STK24: variants seen among roughly 807,000 people sequenced by gnomAD.
STK24 encodes serine/threonine kinase 24, also known as serine/threonine-protein kinase 24.
A neutral mutation model predicts 55.6 loss-of-function variants in STK24; 21 were observed. That is an observed-to-expected ratio of 0.38 (90% CI 0.27 to 0.54). The LOEUF is 0.54. Ranked by LOEUF, STK24 falls within the 20% of genes least tolerant of loss-of-function variation. The pLI, the probability that STK24 is intolerant of heterozygous loss-of-function variation, is 0.79. For synonymous variants in STK24, 200 were observed against 215.2 expected (o/e 0.93, Z 0.62); for missense variants, 383 against 538.4 (o/e 0.71, Z 2.86).
At chr13:98,550,034 G>A (rs542645759) in intron 1 of STK24, among the ~76,000 whole-genome samples, 4 of 152,254 alleles carry the variant, frequency 2.6e-5, no homozygotes, top group African/African-American at 9.6e-5. Context: ...TCCACAGGTG[G>A]GTCGTCTGCA....
At position 98,483,745 on chromosome 13, in the gene STK24, G is replaced by A. The variant is rs182913963; in HGVS notation, c.274-1424C>T. Among the ~76,000 whole-genome samples, 15 of 152,244 alleles carry A rather than the reference G, an allele frequency of 9.9e-5. No homozygotes were observed. The East Asian group carries it at 2.7e-3, about 27-fold the overall frequency. ...GCTCAGGGACAGCGCTGGTGTGCTC[G>A]AGCTCAGTAAATGTTAACTGTGGAC... On this transcript the variant is annotated intron_variant, in intron 2 of 10. Transcript: ENST00000539966.
In STK24 at chr13:98,566,965, G is replaced by A. The variant is rs182674261; in HGVS notation, c.42+9780C>T. On this transcript the variant is annotated intron_variant, in intron 1 of 10. Transcript: ENST00000539966. ...ATTGAACACGCTTCCAAAGTTCGAC[G>A]AAACTATACCTAAAATAACTGCGGG... Among the ~76,000 whole-genome samples, 230 of 152,284 alleles carry A rather than the reference G, an allele frequency of 1.5e-3. 4 individuals are homozygous for A. Among genetic ancestry groups the A allele is most frequent in the Non-Finnish European group, 2.4e-3 (166 of 68,012 alleles).
intron 6 of STK24, 92 bp downstream of exon 6, chr13:98,466,284 G>C: frequency 7.8e-7 from 1 of 1,279,798 alleles, no homozygotes; most frequent in Non-Finnish European, 1.1e-6. Flanking sequence ...GAAGACAGCT[G>C]AAAAGAGTGA....
At chr13:98,480,245 GTTATCACCAAATAAATTA>G (rs1894533283) in intron 3 of STK24, among the ~76,000 whole-genome samples, 1 of 152,158 alleles carries the variant, frequency 6.6e-6, no homozygotes, top group Non-Finnish European at 1.5e-5. Flanking sequence ...AAATCTGAAG[GTTATCACCAAATAAATTA>G]TTATATCATT....
intron 1 of STK24, among the ~76,000 whole-genome samples, chr13:98,569,017 A>C (rs1566409984): frequency 6.6e-6 from 1 of 152,246 alleles, no homozygotes; most frequent in Non-Finnish European, 1.5e-5. Context: ...GAGTCGCTTC[A>C]CAGAAAAGGC....
At position 98,475,279 on chromosome 13, in the gene STK24, G is replaced by C. The variant is rs769632212; in HGVS notation, c.410C>G (p.Ser137Trp). The change falls in exon 4 of 11, where the codon TCG becomes TGG. Residue 137 changes from serine (S) to tryptophan (W), a missense_variant. Coordinates refer to ENST00000539966, the MANE Select transcript of STK24 (RefSeq NM_001032296.4). ...AATGTCTCTGTGGATTTTCTTCTCC[G>C]AATGGAGATAATCGAGTCCTTTCAG... ...EILKGLDYLHSEKKIHRDIKA... is the reference protein window; with the variant it reads ...EILKGLDYLHWEKKIHRDIKA... 1 of 1,612,328 alleles carries C rather than the reference G, an allele frequency of 6.2e-7. No homozygotes were observed. Among genetic ancestry groups the C allele is most frequent in the Non-Finnish European group, 8.5e-7 (1 of 1,179,104 alleles).
At position 98,540,763 on chromosome 13, in the gene STK24, C is replaced by CAAAAAAAA. The variant is rs35957882; in HGVS notation, c.43-21298_43-21291dup. On this transcript the variant is annotated intron_variant, in intron 1 of 10. Coordinates refer to ENST00000539966, the MANE Select transcript of STK24 (RefSeq NM_001032296.4). The stretch of plus-strand genomic sequence containing the variant: ...GAGTGGTTAAGCTAAATATTAAAAG[C>CAAAAAAAA]AAAAAAAAAAAAAAAAAAAAGCCAT... 1.0e-4 allele frequency among the ~76,000 whole-genome samples: 6 copies of CAAAAAAAA among 58,866 alleles called. 1 individual carries two copies. The highest frequency in any genetic ancestry group is 1.6e-4 in the Non-Finnish European group (5 of 30,562). The allele number at this position is 58,866 out of a possible 152,430, so 38.6% of individuals were successfully genotyped here.
At chr13:98,489,359 C>A (rs1894931712) in intron 2 of STK24, among the ~76,000 whole-genome samples, 1 of 152,228 alleles carries the variant, frequency 6.6e-6, no homozygotes, top group African/African-American at 2.4e-5. Flanking sequence ...CCCTGACCAT[C>A]TTCAAAGTGC....
intron 1 of STK24, among the ~76,000 whole-genome samples, chr13:98,565,574 G>A (rs993501090): frequency 3.3e-4 from 50 of 150,494 alleles, no homozygotes; most frequent in African/African-American, 1.2e-3. Flanking sequence ...AGAGGTTGCA[G>A]TGAGCCGAGA....
chr13:98,497,934 T>C (rs1383909192), intron 2 of STK24, among the ~76,000 whole-genome samples: 1 of 152,202 alleles, frequency 6.6e-6, no homozygotes, highest in African/African-American at 2.4e-5. Context: ...ACTCAGCAAC[T>C]GAGCCACCAA....
At position 98,445,806 on chromosome 13, in the gene STK24, C is replaced by G. The variant is rs1274263103; in HGVS notation, c.*7367G>C. On this transcript the variant is annotated 3_prime_UTR_variant, in exon 11 of 11. Coordinates refer to ENST00000539966, the MANE Select transcript of STK24 (RefSeq NM_001032296.4). Reference sequence around the variant, plus strand: ...CTTCACTAGTTACCCTGCAACGAGCCTATTTCCAAATAAGCCTGTGTTCTA... The same window carrying G: ...CTTCACTAGTTACCCTGCAACGAGCGTATTTCCAAATAAGCCTGTGTTCTA... 3.4e-6 allele frequency: 1 copy of G among 292,078 alleles called. No homozygotes were observed. Among genetic ancestry groups the G allele is most frequent in the Non-Finnish European group, 6.5e-6 (1 of 153,652 alleles). The allele number at this position is 292,078 out of a possible 1,614,324, so 18.1% of individuals were successfully genotyped here. A position where few individuals can be genotyped will look rare whatever the true frequency, so the allele number is the denominator to read the frequency against.
chr13:98,491,751 T>C (rs548356981), intron 2 of STK24, among the ~76,000 whole-genome samples: 26 of 144,512 alleles, frequency 1.8e-4, no homozygotes, highest in African/African-American at 6.4e-4. Context: ...AAGCAAAGAA[T>C]AGAATAAAGA....
intron 2 of STK24, among the ~76,000 whole-genome samples, chr13:98,493,935 C>T (rs1357080038): frequency 1.3e-5 from 2 of 150,270 alleles, no homozygotes; most frequent in Non-Finnish European, 3.0e-5. Context: ...CTCCGCCTCC[C>T]GGGTTCACAC....
At position 98,448,149 on chromosome 13, in the gene STK24, A is replaced by T. The variant is rs112526206; in HGVS notation, c.*5024T>A. 317 of 1,161,896 alleles carry T rather than the reference A, an allele frequency of 2.7e-4. No individual in the cohort carries two copies. In the African/African-American group the frequency reaches 4.0e-3, roughly 15 times the overall value. The allele number at this position is 1,161,896 out of a possible 1,614,324, so 72.0% of individuals were successfully genotyped here. ...ATTACCAACCAGGCGGCCTGACTTCACCTTGTGTTTCTGTAAGCGATGCCC... is the reference window on the plus strand; with the variant it reads ...ATTACCAACCAGGCGGCCTGACTTCTCCTTGTGTTTCTGTAAGCGATGCCC... On this transcript the variant is annotated 3_prime_UTR_variant, in exon 11 of 11. Transcript: ENST00000539966.
chr13:98,556,088 A>ACCCAC (rs1365872060), intron 1 of STK24, among the ~76,000 whole-genome samples: 1 of 152,152 alleles, frequency 6.6e-6, no homozygotes, highest in Non-Finnish European at 1.5e-5. Context: ...CATACTCAGG[A>ACCCAC]CCCACTTCAG....
At chr13:98,528,190 C>A (rs1896486291) in intron 1 of STK24, among the ~76,000 whole-genome samples, 1 of 152,208 alleles carries the variant, frequency 6.6e-6, no homozygotes, top group South Asian at 2.1e-4. Flanking sequence ...TCACAGACTA[C>A]ACAGAACGGC....
At chr13:98,511,392 C>CA (rs1291162506) in intron 2 of STK24, among the ~76,000 whole-genome samples, 1 of 152,216 alleles carries the variant, frequency 6.6e-6, no homozygotes, top group Non-Finnish European at 1.5e-5. Context: ...ATTATACAGG[C>CA]ACTCTGGAAA....
chr13:98,552,715 T>A (rs1897186411), intron 1 of STK24, among the ~76,000 whole-genome samples: 1 of 151,988 alleles, frequency 6.6e-6, no homozygotes, highest in African/African-American at 2.4e-5. Context: ...GGACCCAGGA[T>A]CTGCCACTCC....
In STK24 at chr13:98,494,412, C is replaced by CAAAAAAAAAAAAAAAAAAAAAAAAAA. The variant is rs1162677599; in HGVS notation, c.274-12092_274-12091insTTTTTTTTTTTTTTTTTTTTTTTTTT. Among the ~76,000 whole-genome samples, 99 of 66,642 alleles carry CAAAAAAAAAAAAAAAAAAAAAAAAAA rather than the reference C, an allele frequency of 1.5e-3. 5 individuals carry two copies. The highest frequency in any genetic ancestry group is 2.1e-3 in the Non-Finnish European group (69 of 33,238). 43.7% of individuals were successfully genotyped at this position (66,642 alleles called of 152,430 possible). ...CTGGGTGACAGAGCCAGACTCGTCT[C>CAAAAAAAAAAAAAAAAAAAAAAAAAA]AAAAAAAAAAAAAAAAGTGCCTCTA... On this transcript the variant is annotated intron_variant, in intron 2 of 10. Coordinates refer to ENST00000539966, the MANE Select transcript of STK24 (RefSeq NM_001032296.4).
Sources: allele counts gnomAD v4.1 joint callset (sites outside exome capture counted in the v4.1 genomes callset), GRCh38; gene constraint gnomAD v4.1.1; transcripts MANE v1.5; gene names NCBI Gene and HGNC (gene_info 2026-07-23, HGNC 2026-07-21).